Variants in MICU3 observed in about 807,000 individuals in gnomAD.
The protein encoded by MICU3 is mitochondrial calcium uptake 3, also known as calcium uptake protein 3, mitochondrial.
MICU3 carries 62 observed loss-of-function variants against 66.5 expected under a neutral mutation model. The observed-to-expected ratio is 0.93, with a 90% CI of 0.76 to 1.15. The LOEUF is 1.15. Ranked by LOEUF, MICU3 falls within the 50% of genes most tolerant of loss-of-function variation. The pLI is 0.00. For synonymous variants in MICU3, 308 were observed against 240.7 expected (o/e 1.28, Z -2.59); for missense variants, 779 against 664.4 (o/e 1.17, Z -1.90).
chr8:17,111,192 T>G (rs1802178176), intron 11 of MICU3, among the ~76,000 whole-genome samples: 1 of 152,246 alleles, frequency 6.6e-6, no homozygotes, highest in African/African-American at 2.4e-5. Flanking sequence ...TTAGGTTGTT[T>G]ATCATTTTGT....
intron 1 of MICU3, among the ~76,000 whole-genome samples, chr8:17,045,434 C>T (rs748554352): frequency 6.6e-6 from 1 of 152,174 alleles, no homozygotes. Flanking sequence ...TAGATCATAT[C>T]TTTTTTATCC....
At chr8:17,049,208 A>G (rs1025574124) in intron 1 of MICU3, among the ~76,000 whole-genome samples, 2 of 152,192 alleles carry the variant, frequency 1.3e-5, no homozygotes, top group Admixed American at 6.5e-5. Flanking sequence ...ATCCTGGGAC[A>G]CTGAGCCAGG....
At chr8:17,079,540 GTTTTA>G (rs1397867819) in intron 4 of MICU3, among the ~76,000 whole-genome samples, 1 of 151,884 alleles carries the variant, frequency 6.6e-6, no homozygotes, top group African/African-American at 2.4e-5. Flanking sequence ...TTTTATTTTT[GTTTTA>G]TTTTATTTAT....
chr8:17,109,402 T>C (rs530556454), intron 11 of MICU3, among the ~76,000 whole-genome samples: 2 of 152,266 alleles, frequency 1.3e-5, no homozygotes, highest in Non-Finnish European at 2.9e-5. Context: ...TTGTTTGTAA[T>C]AGCAACAGGC....
At chr8:17,138,284 A>G in the MICU3 span, among the ~76,000 whole-genome samples, 2 of 152,108 alleles carry the variant, frequency 1.3e-5, no homozygotes, top group Non-Finnish European at 2.9e-5. Context: ...AAATGTATGT[A>G]AAATAGATAA....
At chr8:17,125,123 C>G (rs184832575), downstream of MICU3, among the ~76,000 whole-genome samples, 1 of 152,002 alleles carries the variant, frequency 6.6e-6, no homozygotes, top group African/African-American at 2.4e-5. Flanking sequence ...AATGAATCTC[C>G]TATGAGTATA....
chr8:17,096,154 G>C (rs1021776765), intron 8 of MICU3, among the ~76,000 whole-genome samples: 2 of 151,788 alleles, frequency 1.3e-5, no homozygotes, highest in African/African-American at 4.8e-5. Flanking sequence ...TTTGCGTATT[G>C]GTCTACTATT....
At chr8:17,069,199 T>C (rs2150665748) in intron 2 of MICU3, among the ~76,000 whole-genome samples, 1 of 152,234 alleles carries the variant, frequency 6.6e-6, no homozygotes, top group South Asian at 2.1e-4. Context: ...TTCCTTTCTT[T>C]TTTTCTTTCC....
At chr8:17,085,357 T>C (rs546963033) in intron 6 of MICU3, 39 bp downstream of exon 6, 2 of 1,272,574 alleles carry the variant, frequency 1.6e-6, no homozygotes, top group African/African-American at 3.0e-5. Flanking sequence ...AATAATTAAA[T>C]ATTGCTTACT....
intron 1 of MICU3, among the ~76,000 whole-genome samples, chr8:17,036,767 G>A (rs762829554): frequency 5.1e-4 from 78 of 152,216 alleles, no homozygotes; most frequent in East Asian, 1.2e-3. Flanking sequence ...AGTGGATCCC[G>A]CACCAGGGCT....
chr8:17,103,591 A>C (rs1801471954), intron 9 of MICU3, among the ~76,000 whole-genome samples: 1 of 151,706 alleles, frequency 6.6e-6, no homozygotes, highest in African/African-American at 2.4e-5. Context: ...GAAGGAAGGA[A>C]GGAAGGAAGG....
chr8:17,106,604 G>T (rs1004343306), intron 11 of MICU3, among the ~76,000 whole-genome samples: 1 of 150,666 alleles, frequency 6.6e-6, no homozygotes, highest in African/African-American at 2.4e-5. Flanking sequence ...AACTTAAAAG[G>T]TTAAGTTTTT....
In MICU3 at chr8:17,116,477, A is replaced by T. The variant is rs1267181712; in HGVS notation, c.1401A>T (p.Gly467=). The change falls in exon 13 of 15, where the codon GGA becomes GGT. Residue 467 remains glycine (G), a synonymous_variant. Transcript: ENST00000318063. ...AACGTGCCGTCTATGTAGCTACTGG[A>T]CTCAAATTTTCACCACATTTAGTGA... ...EFKRAVYVAT[G]LKFSPHLVNT... is the part of the protein sequence containing the mutation. The T allele has an allele frequency of 6.5e-7, 1 of 1,538,804 alleles. No individual in the cohort carries two copies. Among genetic ancestry groups the T allele is most frequent in the Non-Finnish European group, 8.7e-7 (1 of 1,149,984 alleles).
the MICU3 span, among the ~76,000 whole-genome samples, chr8:17,130,380 G>A: frequency 1.3e-5 from 2 of 151,956 alleles, no homozygotes; most frequent in Admixed American, 6.6e-5. Flanking sequence ...AAAATTAGCC[G>A]GGCGTGGTGG....
At chr8:17,083,959 A>G (rs1311959381) in intron 5 of MICU3, among the ~76,000 whole-genome samples, 2 of 152,106 alleles carry the variant, frequency 1.3e-5, no homozygotes, top group East Asian at 3.9e-4. Flanking sequence ...AGGGTCAGAA[A>G]AAACATACAT....
Position 17,120,720 on chromosome 8 carries a change from A to T in MICU3, c.*433A>T, listed in dbSNP as rs1360953348. 1 of 152,436 alleles carries T rather than the reference A, an allele frequency of 6.6e-6. No individual in the cohort carries two copies. Among genetic ancestry groups the T allele is most frequent in the Non-Finnish European group, 1.5e-5 (1 of 67,894 alleles). 9.4% of individuals were successfully genotyped at this position (152,436 alleles called of 1,614,324 possible). The stretch of plus-strand genomic sequence containing the variant: ...TTCTTTGATTTTGGACTGTGAACTT[A>T]TTTTCAGAGATGAATATTGCTTGAG... On this transcript the variant is annotated 3_prime_UTR_variant, in exon 15 of 15. Coordinates refer to ENST00000318063, the MANE Select transcript of MICU3 (RefSeq NM_181723.3).
intron 1 of MICU3, among the ~76,000 whole-genome samples, chr8:17,035,950 C>G (rs979787375): frequency 1.3e-5 from 2 of 152,098 alleles, no homozygotes; most frequent in Non-Finnish European, 2.9e-5. Context: ...GACCTGGAAG[C>G]CTAGGAGGAA....
At chr8:17,087,106 ATAAT>A (rs1251591377) in intron 7 of MICU3, 71 bp downstream of exon 7, 10 of 1,032,070 alleles carry the variant, frequency 9.7e-6, no homozygotes, top group African/African-American at 3.3e-5. Context: ...TTAAGAAACA[ATAAT>A]TAAAGTTTGT....
chr8:17,113,869 A>C (rs1166352001), intron 11 of MICU3, among the ~76,000 whole-genome samples: 12 of 152,152 alleles, frequency 7.9e-5, no homozygotes, highest in Non-Finnish European at 1.5e-4. Context: ...TGTTTACAAA[A>C]TACTTTTACC....
Sources: gnomAD v4.1 joint callset for allele counts (sites outside exome capture counted in the v4.1 genomes callset) on GRCh38, gnomAD v4.1.1 for gene constraint, MANE v1.5 for transcripts, NCBI Gene and HGNC (gene_info 2026-07-23, HGNC 2026-07-21) for gene names.